TGFBR3: variants seen among roughly 807,000 people sequenced by gnomAD.
TGFBR3 encodes the protein transforming growth factor beta receptor type 3.
TGFBR3 carries 46 observed loss-of-function variants against 87.9 expected under a neutral mutation model. The ratio of observed to expected loss-of-function variants is 0.52; its 90% CI spans 0.41 to 0.67. The LOEUF is 0.67. TGFBR3 is among the 30% of genes least tolerant of loss of function. The pLI, the probability that TGFBR3 is intolerant of heterozygous loss-of-function variation, is 0.00. For synonymous variants in TGFBR3, 381 were observed against 391.6 expected, an observed-to-expected ratio of 0.97 and a Z score of 0.32; for missense variants, 866 against 1,041.9, an observed-to-expected ratio of 0.83 and a Z score of 2.32.
chr1:91,711,767 T>C (rs779930455), intron 13 of TGFBR3, among the ~76,000 whole-genome samples: 7 of 152,196 alleles, frequency 4.6e-5, no homozygotes, highest in Non-Finnish European at 8.8e-5. Flanking sequence ...TGAACTGATA[T>C]GAAACTGAGA....
chr1:91,821,020 C>T (rs1676429819), intron 2 of TGFBR3, among the ~76,000 whole-genome samples: 1 of 151,964 alleles, frequency 6.6e-6, no homozygotes, highest in African/African-American at 2.4e-5. Flanking sequence ...AAAGTAATTG[C>T]AGTTTTTTCC....
At chr1:91,715,849 G>A (rs1672145315) in intron 12 of TGFBR3, among the ~76,000 whole-genome samples, 1 of 145,542 alleles carries the variant, frequency 6.9e-6, no homozygotes, top group African/African-American at 2.6e-5. Flanking sequence ...AGGGGACTGT[G>A]CAGGGAAAAA....
At chr1:91,872,283 C>A (rs756227679) in intron 1 of TGFBR3, among the ~76,000 whole-genome samples, 1 of 152,126 alleles carries the variant, frequency 6.6e-6, no homozygotes, top group African/African-American at 2.4e-5. Flanking sequence ...TTCTTCAGAG[C>A]TGAATTTATT....
chr1:91,731,316 T>C (rs17878344), intron 5 of TGFBR3, among the ~76,000 whole-genome samples: 5,692 of 152,156 alleles, frequency 0.037, 322 homozygotes, highest in African/African-American at 0.12. Flanking sequence ...CAGCACACAC[T>C]GGGGCATCAT....
At chr1:91,774,278 C>G (rs1196975030) in intron 3 of TGFBR3, among the ~76,000 whole-genome samples, 1 of 151,992 alleles carries the variant, frequency 6.6e-6, no homozygotes, top group Non-Finnish European at 1.5e-5. Context: ...GCTGGGAGTA[C>G]AGACGTGCGC....
intron 4 of TGFBR3, among the ~76,000 whole-genome samples, chr1:91,753,984 T>C (rs145444633): frequency 6.6e-5 from 10 of 152,332 alleles, no homozygotes; most frequent in South Asian, 2.1e-4. Context: ...ACCAGCAATG[T>C]ATGCGTGTTC....
intron 7 of TGFBR3, among the ~76,000 whole-genome samples, chr1:91,723,193 C>A (rs187113160): frequency 2.6e-5 from 4 of 152,164 alleles, no homozygotes; most frequent in Admixed American, 2.0e-4. Flanking sequence ...TTAAGATTAG[C>A]TTTCAGGGAT....
chr1:91,768,479 C>G (rs975989429), intron 3 of TGFBR3, among the ~76,000 whole-genome samples: 2 of 152,176 alleles, frequency 1.3e-5, no homozygotes, highest in South Asian at 2.1e-4. Flanking sequence ...TGTCCCCACC[C>G]AAATCTCATG....
intron 1 of TGFBR3, among the ~76,000 whole-genome samples, chr1:91,902,267 TC>T: frequency 1.5e-5 from 1 of 67,488 alleles, no homozygotes; most frequent in South Asian, 5.6e-4. Context: ...TCTTTCCTTT[TC>T]TTTTGTGTGT....
chr1:91,861,856 G>GTTTT, intron 1 of TGFBR3: 2 of 193,612 alleles, frequency 1.0e-5, no homozygotes, highest in Non-Finnish European at 1.9e-5. Context: ...TTTGTTATTG[G>GTTTT]CTTTTTTTTT....
intron 2 of TGFBR3, among the ~76,000 whole-genome samples, chr1:91,851,856 T>C (rs1239540245): frequency 6.6e-6 from 1 of 152,176 alleles, no homozygotes; most frequent in African/African-American, 2.4e-5. Context: ...TTGGCTAACA[T>C]CACATCTAGC....
chr1:91,710,772 G>C (rs1483199600), intron 13 of TGFBR3, among the ~76,000 whole-genome samples: 4 of 152,102 alleles, frequency 2.6e-5, no homozygotes, highest in African/African-American at 7.2e-5. Context: ...AGGCTCTAAG[G>C]GGTCCAGAGA....
At chr1:91,890,544 C>T (rs1375065053), upstream of TGFBR3, among the ~76,000 whole-genome samples, 2 of 150,596 alleles carry the variant, frequency 1.3e-5, no homozygotes, top group Admixed American at 1.3e-4. Flanking sequence ...CTCAGCTTCC[C>T]GAGTAGCTGG....
intron 8 of TGFBR3, among the ~76,000 whole-genome samples, chr1:91,720,985 T>C (rs1672348307): frequency 6.6e-6 from 1 of 152,192 alleles, no homozygotes; most frequent in South Asian, 2.1e-4. Flanking sequence ...CGTATTTCCA[T>C]ACAATCAATA....
chr1:91,841,563 G>A (rs1409515995), intron 2 of TGFBR3, among the ~76,000 whole-genome samples: 1 of 149,444 alleles, frequency 6.7e-6, no homozygotes, highest in Non-Finnish European at 1.5e-5. Context: ...GGGAGGCCAA[G>A]GCGGGCAGAT....
chr1:91,693,623 G>A (rs994761674), intron 16 of TGFBR3, among the ~76,000 whole-genome samples: 1 of 152,138 alleles, frequency 6.6e-6, no homozygotes, highest in Non-Finnish European at 1.5e-5. Flanking sequence ...CCTATATTCT[G>A]CCTGGACCTG....
rs6667922 is a variant in TGFBR3, at chr1:91,786,515, C to T, written c.246+10772G>A. On this transcript the variant is annotated intron_variant, in intron 3 of 16. Transcript: ENST00000212355. ...CCTCTAATCCCAGCACTTTGGGAGGCTGAGATGGATGGATCACTTGAGGCC... is the reference window on the plus strand; with the variant it reads ...CCTCTAATCCCAGCACTTTGGGAGGTTGAGATGGATGGATCACTTGAGGCC... 8.7e-3 allele frequency among the ~76,000 whole-genome samples: 1,321 copies of T among 152,284 alleles called. 22 individuals carry two copies. Among genetic ancestry groups the T allele is most frequent in the African/African-American group, 0.03 (1,264 of 41,544 alleles).
At position 91,722,031 on chromosome 1, in the gene TGFBR3, G is replaced by T. The variant is rs754016022; in HGVS notation, c.999C>A (p.Asp333Glu). 1 of 1,613,728 alleles carries T rather than the reference G, an allele frequency of 6.2e-7. No homozygotes were observed. Among genetic ancestry groups the T allele is most frequent in the Non-Finnish European group, 8.5e-7 (1 of 1,179,832 alleles). Residue 333 changes from aspartate to glutamate, a missense_variant, in exon 8 of 17, where the codon GAC becomes GAA. By Grantham distance (45) the Asp-to-Glu change is conservative (BLOSUM62 2). Transcript: ENST00000212355. ...TQGNLVKWAL[D>E]NGYSPITSYT... ...ATGAAGTTATTGGACTATAGCCATT[G>T]TCCAAAGCCCACTTCACCAGATTCC... is the stretch of plus-strand genomic sequence containing the variant.
intron 2 of TGFBR3, among the ~76,000 whole-genome samples, chr1:91,839,919 T>A (rs138334928): frequency 4.8e-4 from 73 of 152,332 alleles, no homozygotes; most frequent in African/African-American, 1.6e-3. Context: ...GATGTCCTCA[T>A]AAGGTAAAGC....
Sources: allele counts gnomAD v4.1 joint callset (sites outside exome capture counted in the v4.1 genomes callset), GRCh38; gene constraint gnomAD v4.1.1; transcripts MANE v1.5; gene names NCBI Gene and HGNC (gene_info 2026-07-23, HGNC 2026-07-21).